Variants in MAP3K15 observed in about 807,000 individuals in gnomAD.
The protein encoded by MAP3K15 is mitogen-activated protein kinase kinase kinase 15, also known as MAPK/ERK kinase kinase 15.
A neutral mutation model predicts 99.5 loss-of-function variants in MAP3K15; 124 were observed. The observed-to-expected ratio is 1.25, with a 90% CI of 1.08 to 1.45. The LOEUF is 1.45. MAP3K15 is among the 40% of genes most tolerant of loss of function. The pLI is 0.00. For missense variants in MAP3K15, 1,242 were observed against 1,079.7 expected, an observed-to-expected ratio of 1.15 and a Z score of -2.11; for synonymous variants, 494 against 439.6, an observed-to-expected ratio of 1.12 and a Z score of -1.55.
At chrX:19,417,105 C>A (rs1027668928) in intron 9 of MAP3K15, among the ~76,000 whole-genome samples, 2 of 111,897 alleles carry the variant, frequency 1.8e-5, no homozygotes, top group Non-Finnish European at 3.8e-5. Context: ...CAGTCGACAG[C>A]CCCCAGCATG....
chrX:19,426,835 A>AAAAAAAAAAAAAAAAAAAAAAAAC (rs2063835997), intron 7 of MAP3K15, among the ~76,000 whole-genome samples: 1 of 106,114 alleles, frequency 9.4e-6, no homozygotes. Flanking sequence ...AAAAAAAAAA[A>AAAAAAAAAAAAAAAAAAAAAAAAC]AAAAAAAAGT....
At position 19,515,298 on chromosome X, in the gene MAP3K15, C is replaced by G; in HGVS notation, c.-37G>C. ...CGCGCCCTTCCCCTGGGCGAGTGGC[C>G]AGCGGCTGCGATCCGCTAGGAGGCA... On this transcript the variant is annotated 5_prime_UTR_variant, in exon 1 of 29. Coordinates refer to ENST00000338883, the MANE Select transcript of MAP3K15 (RefSeq NM_001001671.4). 1 of 845,266 alleles carries G rather than the reference C, an allele frequency of 1.2e-6. No homozygotes were observed. The highest frequency in any genetic ancestry group is 2.1e-5 in the African/African-American group (1 of 46,566). 69.7% of individuals were successfully genotyped at this position (845,266 alleles called of 1,213,427 possible).
At chrX:19,470,664 G>A (rs1338908048) in intron 3 of MAP3K15, among the ~76,000 whole-genome samples, 1 of 111,543 alleles carries the variant, frequency 9.0e-6, no homozygotes, top group African/African-American at 3.3e-5. Context: ...ATGCCCCGGA[G>A]GCAGAAGGGA....
intron 3 of MAP3K15, among the ~76,000 whole-genome samples, chrX:19,483,427 T>C (rs1334041361): frequency 2.7e-5 from 3 of 111,640 alleles, no homozygotes; most frequent in African/African-American, 9.8e-5. Flanking sequence ...AAATATCAAA[T>C]GACTCCTTGA....
chrX:19,456,041 GA>G (rs1205175745), intron 6 of MAP3K15, among the ~76,000 whole-genome samples: 2 of 111,335 alleles, frequency 1.8e-5, no homozygotes, highest in Admixed American at 1.9e-4. Flanking sequence ...GGCTGCTGGG[GA>G]GAGAGCAGGT....
At chrX:19,371,252 G>A (rs1370516503) in intron 23 of MAP3K15, 93 bp downstream of exon 23, 11 of 962,283 alleles carry the variant, frequency 1.1e-5, no homozygotes, top group African/African-American at 5.8e-5. Context: ...GGATTCAGGT[G>A]TATACAGTTA....
At chrX:19,452,488 G>A (rs1458822852) in intron 6 of MAP3K15, among the ~76,000 whole-genome samples, 1 of 111,517 alleles carries the variant, frequency 9.0e-6, no homozygotes, top group Non-Finnish European at 1.9e-5. Flanking sequence ...TTTTACTTCT[G>A]GGCATATATC....
In MAP3K15 at chrX:19,398,327, T is replaced by C; in HGVS notation, c.1965A>G (p.Arg655=). The C allele has an allele frequency of 1.7e-6, 2 of 1,210,675 alleles. No individual in the cohort carries two copies. Among genetic ancestry groups the C allele is most frequent in the Non-Finnish European group, 2.2e-6 (2 of 895,032 alleles). The change falls in exon 15 of 29, where the codon AGA becomes AGG. Residue 655 remains arginine (R), a synonymous_variant. Transcript: ENST00000338883. ...CATACGTGCCTTTCCCCAAGACAACTCTCTCACCATTTGCATCATGGTCAT... is the reference window on the plus strand; with the variant it reads ...CATACGTGCCTTTCCCCAAGACAACCCTCTCACCATTTGCATCATGGTCAT... ...YEYDHDANGE[R]VVLGKGTYGI... is the part of the protein sequence containing the mutation.
intron 5 of MAP3K15, among the ~76,000 whole-genome samples, chrX:19,457,436 A>C (rs940590869): frequency 9.0e-6 from 1 of 110,758 alleles, no homozygotes; most frequent in Non-Finnish European, 1.9e-5. Flanking sequence ...ACATGGTGAA[A>C]CCCTGTCTCT....
At chrX:19,399,647 T>C (rs754539949) in intron 14 of MAP3K15, among the ~76,000 whole-genome samples, 1 of 103,708 alleles carries the variant, frequency 9.6e-6, no homozygotes, top group East Asian at 3.0e-4. Context: ...GGCAGGAGAA[T>C]CGCTTGAACC....
At chrX:19,436,523 G>T (rs1283862663) in intron 6 of MAP3K15, among the ~76,000 whole-genome samples, 1 of 111,030 alleles carries the variant, frequency 9.0e-6, no homozygotes, top group African/African-American at 3.3e-5. Flanking sequence ...ATCATCCATT[G>T]CCATGACTTT....
chrX:19,420,116 A>G (rs1026417335), intron 9 of MAP3K15, among the ~76,000 whole-genome samples: 6 of 111,973 alleles, frequency 5.4e-5, no homozygotes, highest in Admixed American at 1.9e-4. Context: ...CCCTAACATC[A>G]CAATTACAAG....
intron 1 of MAP3K15, among the ~76,000 whole-genome samples, chrX:19,490,839 T>C (rs1009679906): frequency 1.8e-5 from 2 of 111,089 alleles, no homozygotes; most frequent in Admixed American, 1.9e-4. Context: ...ACTTATTACA[T>C]GAATAATGAG....
At chrX:19,427,380 G>T (rs1183452769) in intron 7 of MAP3K15, among the ~76,000 whole-genome samples, 1 of 111,288 alleles carries the variant, frequency 9.0e-6, no homozygotes, top group East Asian at 2.8e-4. Flanking sequence ...GGCATCAATG[G>T]TAGGCCATTT....
rs1185358935 is a variant in MAP3K15 at position 19,414,886 on chromosome X, C to A, written c.1590+221G>T. 3.6e-5 allele frequency among the ~76,000 whole-genome samples: 4 copies of A among 111,935 alleles called. No individual in the cohort carries two copies. In the East Asian group the frequency reaches 1.1e-3, roughly 31 times the overall value. ...CATTACCAGATGTACCTTAGGGGGA[C>A]AAAGTTGCTTCCAATTGAGAATGAC... On this transcript the variant is annotated intron_variant, in intron 10 of 28. Transcript: ENST00000338883.
At chrX:19,475,050 G>A (rs1302467963) in intron 3 of MAP3K15, among the ~76,000 whole-genome samples, 3 of 110,398 alleles carry the variant, frequency 2.7e-5, no homozygotes, top group Admixed American at 1.9e-4. Flanking sequence ...CATTTATTGT[G>A]CACTTTATTT....
chrX:19,407,821 A>T (rs1487399024), intron 12 of MAP3K15, among the ~76,000 whole-genome samples: 1 of 112,266 alleles, frequency 8.9e-6, no homozygotes, highest in African/African-American at 3.2e-5. Context: ...AGCAATATTC[A>T]GCTTGCCTGG....
intron 18 of MAP3K15, among the ~76,000 whole-genome samples, chrX:19,387,347 G>C (rs748196532): frequency 8.9e-6 from 1 of 111,854 alleles, no homozygotes; most frequent in South Asian, 3.8e-4. Context: ...CCCTATTACA[G>C]AAATACTGCC....
At chrX:19,391,583 G>A (rs1050665633) in intron 18 of MAP3K15, among the ~76,000 whole-genome samples, 8 of 100,408 alleles carry the variant, frequency 8.0e-5, no homozygotes, top group Admixed American at 3.5e-4. Flanking sequence ...GCTGAGAGAC[G>A]AGAATCATTT....
Sources: allele counts gnomAD v4.1 joint callset (sites outside exome capture counted in the v4.1 genomes callset), GRCh38; gene constraint gnomAD v4.1.1; transcripts MANE v1.5; gene names NCBI Gene and HGNC (gene_info 2026-07-23, HGNC 2026-07-21).